CALN1: variants seen among roughly 807,000 people sequenced by gnomAD.
The protein encoded by CALN1 is calneuron 1.
Under a neutral mutation model 30.6 loss-of-function variants are expected in CALN1, and 17 were observed. The ratio of observed to expected loss-of-function variants is 0.56; its 90% CI spans 0.38 to 0.83. The LOEUF (loss-of-function observed/expected upper bound fraction) is 0.83. Among genes scored for constraint, CALN1 ranks in the 40% least tolerant of loss-of-function variants. The probability of loss-of-function intolerance (pLI) is 0.00; values close to 1 mark genes in which losing one functional copy is unlikely to be tolerated. For synonymous variants in CALN1, 156 were observed against 131.4 expected, an observed-to-expected ratio of 1.19 and a Z score of -1.28; for missense variants, 291 against 354.9, an observed-to-expected ratio of 0.82 and a Z score of 1.45.
At chr7:72,000,389 A>G (rs1036589601) in intron 5 of CALN1, among the ~76,000 whole-genome samples, 2 of 152,194 alleles carry the variant, frequency 1.3e-5, no homozygotes, top group Non-Finnish European at 2.9e-5. Flanking sequence ...ATAGGGGAAT[A>G]CTATGAATAA....
intron 2 of CALN1, among the ~76,000 whole-genome samples, chr7:72,324,280 C>T (rs1801107206): frequency 6.6e-6 from 1 of 152,096 alleles, no homozygotes; most frequent in South Asian, 2.1e-4. Flanking sequence ...GATTCTAGCA[C>T]TCAAATCCAA....
chr7:72,045,859 G>T (rs1001821209), intron 4 of CALN1, among the ~76,000 whole-genome samples: 11 of 151,928 alleles, frequency 7.2e-5, no homozygotes, highest in African/African-American at 2.7e-4. Flanking sequence ...AATTAGCTGG[G>T]TGTGGTGGCA....
the CALN1 span, among the ~76,000 whole-genome samples, chr7:72,486,243 G>A: frequency 6.6e-6 from 1 of 152,154 alleles, no homozygotes; most frequent in African/African-American, 2.4e-5. Context: ...GACCACCGTT[G>A]TATATGTAGT....
chr7:71,828,370 G>A (rs1481488195), intron 5 of CALN1, among the ~76,000 whole-genome samples: 2 of 152,072 alleles, frequency 1.3e-5, no homozygotes, highest in Non-Finnish European at 2.9e-5. Context: ...ACCTATAAAT[G>A]GGTTACCTTA....
chr7:71,924,310 T>C (rs530965310), intron 5 of CALN1, among the ~76,000 whole-genome samples: 6 of 150,590 alleles, frequency 4.0e-5, no homozygotes, highest in Admixed American at 6.6e-5. Context: ...CAGTGACTGG[T>C]GGAACCCACC....
chr7:71,823,487 A>G (rs1246054207), intron 5 of CALN1, among the ~76,000 whole-genome samples: 1 of 152,192 alleles, frequency 6.6e-6, no homozygotes, highest in East Asian at 1.9e-4. Flanking sequence ...TGGGTGGCCA[A>G]GGCAGGCGGA....
intron 1 of CALN1, among the ~76,000 whole-genome samples, chr7:72,445,075 C>CACACACACAA (rs1389501943): frequency 1.3e-5 from 2 of 151,066 alleles, no homozygotes; most frequent in Admixed American, 1.3e-4. Context: ...CACACACACA[C>CACACACACAA]ACACACACAC....
chr7:71,990,715 A>T lies in CALN1; in HGVS notation c.501+32942T>A, dbSNP rs183198921. Among the ~76,000 whole-genome samples, 148 of 152,224 alleles carry T rather than the reference A, an allele frequency of 9.7e-4. 2 individuals carry two copies. The highest frequency in any genetic ancestry group is 8.6e-3 in the Admixed American group (132 of 15,288). ...TGATCCACCAGTCTTGGCCTCCCAAAGTGATGGGATTACAGGTGTGAGCCA... is the reference window on the plus strand; with the variant it reads ...TGATCCACCAGTCTTGGCCTCCCAATGTGATGGGATTACAGGTGTGAGCCA... On this transcript the variant is annotated intron_variant, in intron 5 of 6. Coordinates refer to ENST00000395275, the MANE Select transcript of CALN1 (RefSeq NM_031468.4).
intron 4 of CALN1, among the ~76,000 whole-genome samples, chr7:72,075,023 G>GTGTC (rs1390230750): frequency 1.3e-5 from 2 of 152,206 alleles, no homozygotes; most frequent in African/African-American, 4.8e-5. Flanking sequence ...AGAGCTGATG[G>GTGTC]TGTCATTCCA....
intron 1 of CALN1, among the ~76,000 whole-genome samples, chr7:72,441,984 C>CTCCTCCCAAACCTGCTCCACCCACAGCTG (rs1808361079): frequency 6.6e-6 from 1 of 152,120 alleles, no homozygotes; most frequent in African/African-American, 2.4e-5. Flanking sequence ...GACTCCTGCT[C>CTCCTCCCAAACCTGCTCCACCCACAGCTG]TCCTCCCAAA....
At chr7:72,082,250 T>C (rs1006971575) in intron 4 of CALN1, among the ~76,000 whole-genome samples, 4 of 152,128 alleles carry the variant, frequency 2.6e-5, no homozygotes, top group Non-Finnish European at 5.9e-5. Context: ...CCTCCCAAAG[T>C]GTTGGGATTA....
intron 5 of CALN1, among the ~76,000 whole-genome samples, chr7:71,951,857 G>A (rs528691220): frequency 6.6e-6 from 1 of 152,118 alleles, no homozygotes; most frequent in Non-Finnish European, 1.5e-5. Flanking sequence ...TTGAAATCAT[G>A]CAAGCGACTT....
Position 71,786,780 on chromosome 7 carries a change from C to T in CALN1, c.*995G>A, listed in dbSNP as rs1792999072. On this transcript the variant is annotated 3_prime_UTR_variant, in exon 7 of 7. Transcript: ENST00000395275. Reference sequence around the variant, plus strand: ...TCCGGCATAGAGACGTGGTGGGTCTCCATGACTCCAGATGGCTGGGTGTGG... The same window carrying T: ...TCCGGCATAGAGACGTGGTGGGTCTTCATGACTCCAGATGGCTGGGTGTGG... The T allele has an allele frequency of 6.6e-6, 1 of 152,196 alleles. No homozygotes were observed. The highest frequency in any genetic ancestry group is 2.1e-4 in the South Asian group (1 of 4,828). The allele number at this position is 152,196 out of a possible 1,614,324, so 9.4% of individuals were successfully genotyped here. A position where few individuals can be genotyped will look rare whatever the true frequency, so the allele number is the denominator to read the frequency against.
chr7:72,294,862 A>G (rs1798744943), intron 2 of CALN1, among the ~76,000 whole-genome samples: 1 of 152,256 alleles, frequency 6.6e-6, no homozygotes, highest in Non-Finnish European at 1.5e-5. Context: ...AATAAAAACA[A>G]AAAGGATATG....
In CALN1 at chr7:72,182,769, T is replaced by TAAA. The variant is rs111446877; in HGVS notation, c.245-76478_245-76476dup. ...AATGACAAAAATTCTACCAATGTTG[T>TAAA]AAAAAAAAAAACAAACAAAAATAGA... On this transcript the variant is annotated intron_variant, in intron 3 of 6. Coordinates refer to ENST00000395275, the MANE Select transcript of CALN1 (RefSeq NM_031468.4). Among the ~76,000 whole-genome samples the TAAA allele has an allele frequency of 9.3e-3, 1,327 of 143,134 alleles. 29 individuals carry two copies. The highest frequency in any genetic ancestry group is 0.055 in the Admixed American group (800 of 14,434). 93.9% of individuals were successfully genotyped at this position (143,134 alleles called of 152,430 possible).
At chr7:72,250,131 A>G (rs894793344) in intron 3 of CALN1, among the ~76,000 whole-genome samples, 1 of 152,146 alleles carries the variant, frequency 6.6e-6, no homozygotes, top group African/African-American at 2.4e-5. Flanking sequence ...TCCCTCCCCA[A>G]AATTATCTGA....
chr7:71,989,887 G>A (rs1450456679), intron 5 of CALN1, among the ~76,000 whole-genome samples: 1 of 152,074 alleles, frequency 6.6e-6, no homozygotes, highest in Non-Finnish European at 1.5e-5. Flanking sequence ...AGCCGAAAGG[G>A]ATTCAAGAAA....
the CALN1 span, among the ~76,000 whole-genome samples, chr7:72,479,406 A>C: frequency 6.6e-6 from 1 of 151,982 alleles, no homozygotes; most frequent in Non-Finnish European, 1.5e-5. Flanking sequence ...ATGAACTCTA[A>C]TTTGTCTATT....
intron 4 of CALN1, among the ~76,000 whole-genome samples, chr7:72,095,989 T>TG (rs781771253): frequency 8.5e-5 from 13 of 152,048 alleles, no homozygotes; most frequent in Middle Eastern, 3.4e-3. Context: ...CAGTGAGCTA[T>TG]GATGACACCA....
Sources: allele counts gnomAD v4.1 joint callset (sites outside exome capture counted in the v4.1 genomes callset), GRCh38; gene constraint gnomAD v4.1.1; transcripts MANE v1.5; gene names NCBI Gene and HGNC (gene_info 2026-07-23, HGNC 2026-07-21).